Variants in C13orf42 observed in about 807,000 individuals in gnomAD.
C13orf42 encodes chromosome 13 open reading frame 42, also known as uncharacterized protein C13orf42.
chr13:51,133,040 T>A (rs944950993), intron 1 of C13orf42, among the ~76,000 whole-genome samples: 1 of 152,298 alleles, frequency 6.6e-6, no homozygotes, highest in Admixed American at 6.5e-5. Flanking sequence ...GCATGAATAA[T>A]CCACCCCTTG....
intron 1 of C13orf42, among the ~76,000 whole-genome samples, chr13:51,108,188 C>T (rs1953382652): frequency 6.6e-6 from 1 of 152,200 alleles, no homozygotes; most frequent in African/African-American, 2.4e-5. Context: ...CACCCTACTC[C>T]AGCATGACCT....
At chr13:51,105,147 T>A (rs1486469588) in intron 1 of C13orf42, among the ~76,000 whole-genome samples, 1 of 152,224 alleles carries the variant, frequency 6.6e-6, no homozygotes, top group East Asian at 1.9e-4. Context: ...TATCCATACC[T>A]CTGGCATTTG....
At chr13:51,158,899 G>A (rs564428962) in intron 1 of C13orf42, among the ~76,000 whole-genome samples, 1 of 152,352 alleles carries the variant, frequency 6.6e-6, no homozygotes, top group Non-Finnish European at 1.5e-5. Context: ...TAAAGAGAAT[G>A]TTCTGCCAAA....
Position 51,167,032 on chromosome 13 carries a change from T to C in C13orf42, n.136+5221A>G, listed in dbSNP as rs376082074. Among the ~76,000 whole-genome samples, 40 of 151,670 alleles carry C rather than the reference T, an allele frequency of 2.6e-4. No homozygotes were observed. The South Asian group carries it at 4.2e-3, about 16-fold the overall frequency. On this transcript the variant is annotated intron_variant and non_coding_transcript_variant, in intron 1 of 4. Coordinates refer to the C13orf42 transcript ENST00000433280. ...AGACAGAGGTTGCAGTGAGCCGAGA[T>C]CGTGCCACTGCACTCCAGCCTGGGT...
At chr13:51,106,060 T>C (rs967725982) in intron 1 of C13orf42, among the ~76,000 whole-genome samples, 37 of 152,214 alleles carry the variant, frequency 2.4e-4, no homozygotes, top group African/African-American at 8.9e-4. Flanking sequence ...TTTCCTAGTG[T>C]GTACTGAGAA....
chr13:51,172,115 G>A (rs1260377367), intron 1 of C13orf42: 1 of 152,152 alleles, frequency 6.6e-6, no homozygotes, highest in Admixed American at 6.5e-5. Context: ...CGTTCCTCCA[G>A]AACCTCCTCC....
intron 1 of C13orf42, among the ~76,000 whole-genome samples, chr13:51,152,954 C>T (rs773609836): frequency 1.3e-5 from 2 of 152,072 alleles, no homozygotes; most frequent in Non-Finnish European, 2.9e-5. Context: ...ACACCTGCTG[C>T]GGGGTTGATG....
rs535323000 is a variant in C13orf42, at chr13:51,125,227, T to C, written n.137-12005A>G. Among the ~76,000 whole-genome samples the C allele has an allele frequency of 3.3e-5, 5 of 152,356 alleles. No homozygotes were observed. In the South Asian group the frequency reaches 6.2e-4, roughly 19 times the overall value. ...TATAGGTCATAAATCTTTCAAGGTT[T>C]GCAGGAAGATTGGCAAACGTGTCTA... On this transcript the variant is annotated intron_variant and non_coding_transcript_variant, in intron 1 of 4. Transcript: ENST00000433280.
intron 1 of C13orf42, chr13:51,162,250 G>A (rs1438629420): frequency 5.1e-6 from 1 of 197,050 alleles, no homozygotes; most frequent in Non-Finnish European, 1.1e-5. Flanking sequence ...TCCAAGCATA[G>A]TAATCAGTTT....
chr13:51,162,352 AC>A (rs1309394040), intron 1 of C13orf42: 7 of 169,568 alleles, frequency 4.1e-5, no homozygotes, highest in Non-Finnish European at 6.5e-5. Flanking sequence ...TGCGGAACAG[AC>A]CCATGTCCAC....
rs1476497610 is a variant in C13orf42 at position 51,153,619 on chromosome 13, CTGTT to C, written n.136+18630_136+18633del. Among the ~76,000 whole-genome samples the C allele has an allele frequency of 4.2e-5, 4 of 94,846 alleles. No homozygotes were observed. In the Admixed American group the frequency reaches 4.2e-4, roughly 10 times the overall value. 62.2% of individuals were successfully genotyped at this position (94,846 alleles called of 152,430 possible). Reference sequence around the variant, plus strand: ...TGTTATCAACCCATTTTCTTGCTTTCTGTTTTTTTTCTTTTTTTTTTTTTTTTTT... The same window carrying C: ...TGTTATCAACCCATTTTCTTGCTTTCTTTTTTCTTTTTTTTTTTTTTTTTT... On this transcript the variant is annotated intron_variant and non_coding_transcript_variant, in intron 1 of 4. Transcript: ENST00000433280.
At chr13:51,166,210 A>G (rs1045749978) in intron 1 of C13orf42, among the ~76,000 whole-genome samples, 2 of 152,210 alleles carry the variant, frequency 1.3e-5, no homozygotes, top group Non-Finnish European at 2.9e-5. Context: ...ATTTTTTCCA[A>G]GTTCAAAAAG....
chr13:51,140,668 T>A lies in C13orf42; in HGVS notation n.137-27446A>T, dbSNP rs148025675. 1.7e-3 allele frequency among the ~76,000 whole-genome samples: 255 copies of A among 152,290 alleles called. 2 individuals carry two copies. The highest frequency in any genetic ancestry group is 5.9e-3 in the African/African-American group (245 of 41,552). On this transcript the variant is annotated intron_variant and non_coding_transcript_variant, in intron 1 of 4. Coordinates refer to the C13orf42 transcript ENST00000433280. ...GCTGTAAAACTCCTCATTATTATTA[T>A]TATTTTGGAGTTTTACTTGCTTCCA...
chr13:51,133,913 A>G (rs1451214284), intron 1 of C13orf42, among the ~76,000 whole-genome samples: 1 of 152,212 alleles, frequency 6.6e-6, no homozygotes, highest in African/African-American at 2.4e-5. Context: ...TCTTGAGGAC[A>G]GGGGACAAAA....
intron 1 of C13orf42, among the ~76,000 whole-genome samples, chr13:51,170,102 G>A (rs903440756): frequency 2.0e-5 from 3 of 152,030 alleles, no homozygotes; most frequent in East Asian, 1.9e-4. Flanking sequence ...CACCCCCACT[G>A]AGCACCTTGC....
chr13:51,122,904 C>T (rs549027197), intron 1 of C13orf42, among the ~76,000 whole-genome samples: 5 of 152,086 alleles, frequency 3.3e-5, no homozygotes, highest in Non-Finnish European at 7.4e-5. Flanking sequence ...ATCACTTCAC[C>T]GTCATCTAAA....
At chr13:51,091,764 G>A (rs1953182378) in intron 1 of C13orf42, among the ~76,000 whole-genome samples, 1 of 152,162 alleles carries the variant, frequency 6.6e-6, no homozygotes, top group Non-Finnish European at 1.5e-5. Context: ...TCAATGACTG[G>A]TTTAGAGTGG....
At chr13:51,110,018 G>A (rs1953409250) in intron 1 of C13orf42, among the ~76,000 whole-genome samples, 1 of 152,110 alleles carries the variant, frequency 6.6e-6, no homozygotes, top group African/African-American at 2.4e-5. Context: ...GCTTGTGACT[G>A]TCTGGAGACC....
rs552436917 is a variant in C13orf42 at position 51,125,541 on chromosome 13, C to G, written n.137-12319G>C. Among the ~76,000 whole-genome samples, 5 of 152,300 alleles carry G rather than the reference C, an allele frequency of 3.3e-5. No individual in the cohort carries two copies. In the South Asian group the frequency reaches 1.0e-3, roughly 32 times the overall value. On this transcript the variant is annotated intron_variant and non_coding_transcript_variant, in intron 1 of 4. Transcript: ENST00000433280. ...GGAGAGAAGCCACACACCTCTCTAA[C>G]AGTGCTGGGTGGATTAATCAATTGC...
Sources: allele counts gnomAD v4.1 joint callset (sites outside exome capture counted in the v4.1 genomes callset), GRCh38; gene constraint gnomAD v4.1.1; transcripts MANE v1.5; gene names NCBI Gene and HGNC (gene_info 2026-07-23, HGNC 2026-07-21).